TACR3: variants seen among roughly 807,000 people sequenced by gnomAD.
TACR3 encodes the protein neuromedin-K receptor.
In TACR3, 34 loss-of-function variants were observed where a neutral mutation model predicts 35.0. The observed-to-expected ratio is 0.97, with a 90% CI of 0.74 to 1.30. TACR3 has a LOEUF of 1.30. Ranked by LOEUF, TACR3 falls within the 50% of genes most tolerant of loss-of-function variation. The pLI, the probability that TACR3 is intolerant of heterozygous loss-of-function variation, is 0.00. For synonymous variants in TACR3, 233 were observed against 221.1 expected (o/e 1.05, Z -0.48); for missense variants, 558 against 591.7 (o/e 0.94, Z 0.59).
At chr4:103,592,080 A>G (rs1457024681) in intron 3 of TACR3, among the ~76,000 whole-genome samples, 1 of 152,118 alleles carries the variant, frequency 6.6e-6, no homozygotes, top group Non-Finnish European at 1.5e-5. Flanking sequence ...TTAAGTCACT[A>G]TGGAGGTTTA....
chr4:103,677,275 T>C (rs1037947295), intron 1 of TACR3, among the ~76,000 whole-genome samples: 2 of 151,938 alleles, frequency 1.3e-5, no homozygotes, highest in African/African-American at 4.8e-5. Context: ...TATAAATTAT[T>C]TCAATCATTG....
chr4:103,596,006 T>A (rs1419494223), intron 3 of TACR3, among the ~76,000 whole-genome samples: 8 of 150,404 alleles, frequency 5.3e-5, no homozygotes, highest in Non-Finnish European at 1.0e-4. Flanking sequence ...TGGTGTTTGG[T>A]TTTTTGTTCT....
At chr4:103,664,720 C>G (rs541793293) in intron 1 of TACR3, among the ~76,000 whole-genome samples, 3 of 152,282 alleles carry the variant, frequency 2.0e-5, no homozygotes, top group South Asian at 4.1e-4. Flanking sequence ...TCTGCTTTGA[C>G]AAATCATTTG....
intron 1 of TACR3, among the ~76,000 whole-genome samples, chr4:103,679,196 G>GC (rs1358681501): frequency 6.6e-6 from 1 of 151,924 alleles, no homozygotes; most frequent in Non-Finnish European, 1.5e-5. Context: ...ATGCCCATTT[G>GC]CATTGCTTTC....
At chr4:103,628,082 G>T (rs1342993228) in intron 3 of TACR3, among the ~76,000 whole-genome samples, 1 of 152,138 alleles carries the variant, frequency 6.6e-6, no homozygotes, top group African/African-American at 2.4e-5. Flanking sequence ...AAATAAAAAT[G>T]TTCGTTGAAA....
At chr4:103,634,634 A>C (rs3796972) in intron 3 of TACR3, among the ~76,000 whole-genome samples, 41,652 of 151,934 alleles carry the variant, frequency 0.27, 6,548 homozygotes, top group East Asian at 0.45. Context: ...ACCTTGCTGG[A>C]TTTTCCTAAA....
At chr4:103,683,699 T>C (rs1343221678) in intron 1 of TACR3, among the ~76,000 whole-genome samples, 2 of 151,968 alleles carry the variant, frequency 1.3e-5, no homozygotes, top group African/African-American at 4.8e-5. Context: ...CTCTAGTACC[T>C]CATGGTTTCA....
At chr4:103,668,073 G>A (rs754660331) in intron 1 of TACR3, among the ~76,000 whole-genome samples, 8 of 152,014 alleles carry the variant, frequency 5.3e-5, no homozygotes, top group Non-Finnish European at 7.4e-5. Flanking sequence ...TTCAAGTGAT[G>A]AGCCCACCTC....
chr4:103,719,836 C>T lies in TACR3; in HGVS notation c.-161G>A. 2.1e-6 allele frequency: 2 copies of T among 945,324 alleles called. No individual in the cohort carries two copies. Among genetic ancestry groups the T allele is most frequent in the Non-Finnish European group, 3.1e-6 (2 of 635,238 alleles). 58.6% of individuals were successfully genotyped at this position (945,324 alleles called of 1,614,324 possible). A position where few individuals can be genotyped will look rare whatever the true frequency, so the allele number is the denominator to read the frequency against. The stretch of plus-strand genomic sequence containing the variant: ...TGCAATCCCTGCTGGTTAGGGGATG[C>T]AGCTGGGGCTAAGGGGCAACAGCTG... On this transcript the variant is annotated 5_prime_UTR_variant, in exon 1 of 5. Transcript: ENST00000304883.
chr4:103,666,547 T>G (rs1248468200), intron 1 of TACR3, among the ~76,000 whole-genome samples: 2 of 152,190 alleles, frequency 1.3e-5, no homozygotes, highest in Admixed American at 1.3e-4. Flanking sequence ...AATGCTTAGG[T>G]ACCATACACT....
At chr4:103,678,878 G>T (rs1390945681) in intron 1 of TACR3, among the ~76,000 whole-genome samples, 1 of 151,556 alleles carries the variant, frequency 6.6e-6, no homozygotes, top group Non-Finnish European at 1.5e-5. Flanking sequence ...CTCTTTGAGG[G>T]CCATAAGTCT....
chr4:103,618,100 TTG>T (rs1724700035), intron 3 of TACR3, among the ~76,000 whole-genome samples: 1 of 152,180 alleles, frequency 6.6e-6, no homozygotes, highest in South Asian at 2.1e-4. Context: ...ATAATTCTAT[TTG>T]TGTTTTTGTT....
chr4:103,698,156 GTAGT>G (rs1471714662), intron 1 of TACR3, among the ~76,000 whole-genome samples: 4 of 151,996 alleles, frequency 2.6e-5, no homozygotes, highest in Admixed American at 2.6e-4. Flanking sequence ...ATCATAATTA[GTAGT>G]TAAAGAAATT....
chr4:103,619,015 G>A (rs534707648), intron 3 of TACR3, among the ~76,000 whole-genome samples: 87 of 152,220 alleles, frequency 5.7e-4, no homozygotes, highest in African/African-American at 1.1e-3. Flanking sequence ...GATATTTCAC[G>A]TAGAGAATAA....
intron 1 of TACR3, among the ~76,000 whole-genome samples, chr4:103,690,255 A>T (rs958697304): frequency 2.0e-4 from 31 of 152,306 alleles, no homozygotes; most frequent in African/African-American, 6.7e-4. Flanking sequence ...TAAACTCCAA[A>T]TACACAAGTA....
At chr4:103,624,226 G>A (rs1160478743) in intron 3 of TACR3, 1 of 152,110 alleles carries the variant, frequency 6.6e-6, no homozygotes, top group Non-Finnish European at 1.5e-5. Flanking sequence ...AGTATACAAA[G>A]CATGTATGTT....
intron 1 of TACR3, among the ~76,000 whole-genome samples, chr4:103,693,426 T>G (rs978416193): frequency 3.9e-5 from 6 of 152,196 alleles, no homozygotes; most frequent in Non-Finnish European, 8.8e-5. Flanking sequence ...CTCAAATGGT[T>G]GTTCTGATTT....
chr4:103,699,012 A>ACTC (rs1356838234), intron 1 of TACR3, among the ~76,000 whole-genome samples: 1 of 152,030 alleles, frequency 6.6e-6, no homozygotes, highest in African/African-American at 2.4e-5. Flanking sequence ...CAATAAATAC[A>ACTC]CTCTCACTTG....
At chr4:103,601,858 T>C (rs1425358495) in intron 3 of TACR3, among the ~76,000 whole-genome samples, 2 of 152,206 alleles carry the variant, frequency 1.3e-5, no homozygotes, top group Non-Finnish European at 1.5e-5. Context: ...CTGACAATTA[T>C]GTGTCTTTTA....
Sources: gnomAD v4.1 joint callset for allele counts (sites outside exome capture counted in the v4.1 genomes callset) on GRCh38, gnomAD v4.1.1 for gene constraint, MANE v1.5 for transcripts, NCBI Gene and HGNC (gene_info 2026-07-23, HGNC 2026-07-21) for gene names.